Variants in LTBP1 observed in about 807,000 individuals in gnomAD.
LTBP1 encodes the protein latent-transforming growth factor beta-binding protein 1.
In LTBP1, 129 loss-of-function variants were observed where a neutral mutation model predicts 207.6. That is an observed-to-expected ratio of 0.62 (90% CI 0.54 to 0.72). LTBP1 has a LOEUF of 0.72. Among genes scored for constraint, LTBP1 ranks in the 30% least tolerant of loss-of-function variants. The pLI is 0.00. For synonymous variants in LTBP1, 963 were observed against 833.7 expected (o/e 1.16, Z -2.67); for missense variants, 2,281 against 2,217.2 (o/e 1.03, Z -0.58).
intron 32 of LTBP1, among the ~76,000 whole-genome samples, chr2:33,395,360 C>T (rs1372377319): frequency 3.3e-5 from 5 of 152,160 alleles, no homozygotes; most frequent in African/African-American, 1.2e-4. Flanking sequence ...AGTGCTTTTA[C>T]TTCATACGTG....
At chr2:33,049,713 A>G (rs2076627396) in intron 3 of LTBP1, among the ~76,000 whole-genome samples, 1 of 152,218 alleles carries the variant, frequency 6.6e-6, no homozygotes, top group South Asian at 2.1e-4. Context: ...GTGTAGTTTT[A>G]GAATATATAC....
At chr2:33,382,988 G>A (rs1394908679) in intron 31 of LTBP1, among the ~76,000 whole-genome samples, 1 of 152,122 alleles carries the variant, frequency 6.6e-6, no homozygotes, top group Non-Finnish European at 1.5e-5. Context: ...TTTCTTTACT[G>A]GTACAGAGTG....
Position 33,207,677 on chromosome 2 carries a change from C to T in LTBP1, c.1702-9875C>T, listed in dbSNP as rs186577955. Among the ~76,000 whole-genome samples the T allele has an allele frequency of 1.0e-3, 157 of 152,304 alleles. 1 individual carries two copies. The South Asian group carries it at 0.011, about 10-fold the overall frequency. ...CATTGTACAGTGCTCTTTATAACAA[C>T]GACCCTTAGAACAAGTTGATCAAAT... On this transcript the variant is annotated intron_variant, in intron 7 of 33. Coordinates refer to ENST00000404816, the MANE Select transcript of LTBP1 (RefSeq NM_206943.4).
At chr2:33,281,480 C>G (rs1383277666) in intron 19 of LTBP1, among the ~76,000 whole-genome samples, 1 of 152,228 alleles carries the variant, frequency 6.6e-6, no homozygotes, top group African/African-American at 2.4e-5. Flanking sequence ...GGACAGACCA[C>G]TGAAAAATTT....
At chr2:33,036,991 T>G (rs2075958511) in intron 3 of LTBP1, among the ~76,000 whole-genome samples, 1 of 152,222 alleles carries the variant, frequency 6.6e-6, no homozygotes, top group Non-Finnish European at 1.5e-5. Flanking sequence ...GCTTTCTTTA[T>G]AAAATGGGAT....
chr2:33,198,886 GTC>G (rs1226893753), intron 7 of LTBP1, among the ~76,000 whole-genome samples: 1 of 152,082 alleles, frequency 6.6e-6, no homozygotes, highest in Non-Finnish European at 1.5e-5. Flanking sequence ...GGTTTTTTGT[GTC>G]TCTATTTCTT....
chr2:33,104,401 C>G (rs773811821), intron 3 of LTBP1, among the ~76,000 whole-genome samples: 7 of 152,180 alleles, frequency 4.6e-5, no homozygotes, highest in Non-Finnish European at 8.8e-5. Flanking sequence ...CATATTTTGG[C>G]TCCTACCATT....
At chr2:32,980,754 A>G (rs1311803731) in intron 2 of LTBP1, among the ~76,000 whole-genome samples, 3 of 152,134 alleles carry the variant, frequency 2.0e-5, no homozygotes, top group Non-Finnish European at 4.4e-5. Context: ...AGCACTTCTT[A>G]CAGGACCAGT....
In LTBP1 at chr2:33,364,145, A is replaced by G. The variant is rs532897231; in HGVS notation, c.4400-71A>G. ...ATCTGGACTAAATATAGCAATGTGT[A>G]AAGTTTGGGAAGTGTATGAGGTACA... On this transcript the variant is annotated intron_variant, in intron 29 of 33. Transcript: ENST00000404816. 3.4e-5 allele frequency: 50 copies of G among 1,469,774 alleles called. No individual in the cohort carries two copies. The East Asian group carries it at 1.1e-3, about 31-fold the overall frequency. 91.0% of individuals were successfully genotyped at this position (1,469,774 alleles called of 1,614,324 possible).
chr2:33,269,618 TCAGA>T (rs2093270839), intron 15 of LTBP1, among the ~76,000 whole-genome samples: 1 of 152,196 alleles, frequency 6.6e-6, no homozygotes, highest in Admixed American at 6.5e-5. Flanking sequence ...CTCTGGTGTA[TCAGA>T]CAGAGCCCAG....
chr2:33,235,829 C>A (rs866227500), intron 9 of LTBP1, among the ~76,000 whole-genome samples: 11 of 152,262 alleles, frequency 7.2e-5, no homozygotes, highest in African/African-American at 2.6e-4. Context: ...CACATGTTCT[C>A]ACTCATAAGT....
intron 31 of LTBP1, among the ~76,000 whole-genome samples, chr2:33,377,326 A>T (rs772571539): frequency 5.9e-5 from 9 of 152,196 alleles, no homozygotes; most frequent in Admixed American, 1.3e-4. Flanking sequence ...TTGAAAGCTG[A>T]TTGAAGCTAC....
At chr2:33,075,031 A>G (rs565093048) in intron 3 of LTBP1, among the ~76,000 whole-genome samples, 1 of 152,360 alleles carries the variant, frequency 6.6e-6, no homozygotes, top group South Asian at 2.1e-4. Context: ...AGCCTGGGTG[A>G]CAAAGTGAGA....
intron 3 of LTBP1, among the ~76,000 whole-genome samples, chr2:33,039,066 T>C (rs781685680): frequency 2.0e-4 from 30 of 152,220 alleles, no homozygotes; most frequent in Non-Finnish European, 3.2e-4. Context: ...GTAGTTTCAT[T>C]TGGGCAGTCT....
chr2:33,259,749 A>T, intron 13 of LTBP1, 139 bp downstream of exon 13: 1 of 673,372 alleles, frequency 1.5e-6, no homozygotes, highest in Non-Finnish European at 2.3e-6. Context: ...TATAGCATTC[A>T]GTTATTCCAA....
chr2:33,371,746 A>G (rs2095070189), intron 31 of LTBP1, among the ~76,000 whole-genome samples: 2 of 152,238 alleles, frequency 1.3e-5, no homozygotes, highest in Admixed American at 6.5e-5. Flanking sequence ...TAACTTGCCA[A>G]GCCATCTTAG....
intron 5 of LTBP1, among the ~76,000 whole-genome samples, chr2:33,138,995 A>T (rs1327875667): frequency 5.3e-5 from 8 of 150,214 alleles, no homozygotes; most frequent in Admixed American, 5.3e-4. Context: ...AGTAGCTGGG[A>T]CTACAGGCGC....
intron 5 of LTBP1, among the ~76,000 whole-genome samples, chr2:33,171,763 T>C (rs939161372): frequency 9.2e-5 from 14 of 152,002 alleles, no homozygotes; most frequent in Admixed American, 2.6e-4. Flanking sequence ...GAGAGAAAGG[T>C]CGGGTTACCC....
intron 3 of LTBP1, among the ~76,000 whole-genome samples, chr2:33,079,928 C>G (rs2078301871): frequency 1.0e-5 from 1 of 98,676 alleles, no homozygotes; most frequent in Non-Finnish European, 2.4e-5. Flanking sequence ...TCTCTGTGTT[C>G]CAAATGTAGA....
Sources: allele counts gnomAD v4.1 joint callset (sites outside exome capture counted in the v4.1 genomes callset), GRCh38; gene constraint gnomAD v4.1.1; transcripts MANE v1.5; gene names NCBI Gene and HGNC (gene_info 2026-07-23, HGNC 2026-07-21).